Variants in SYNRG observed in about 807,000 individuals in gnomAD.
SYNRG encodes the protein AP1 gamma subunit binding protein 1.
SYNRG carries 37 observed loss-of-function variants against 130.9 expected under a neutral mutation model. The ratio of observed to expected loss-of-function variants is 0.28; its 90% CI spans 0.22 to 0.37. SYNRG has a LOEUF of 0.37. Among genes scored for constraint, SYNRG ranks in the 10% least tolerant of loss-of-function variants. The pLI is 1.00. For synonymous variants in SYNRG, 539 were observed against 568.1 expected (o/e 0.95, Z 0.73); for missense variants, 1,338 against 1,588.9 (o/e 0.84, Z 2.68).
chr17:37,556,400 G>A (rs920814221), intron 13 of SYNRG, among the ~76,000 whole-genome samples: 3 of 151,678 alleles, frequency 2.0e-5, no homozygotes, highest in African/African-American at 7.3e-5. Context: ...GCAGTGAGCC[G>A]AGATTGTGCC....
intron 6 of SYNRG, among the ~76,000 whole-genome samples, chr17:37,582,855 A>G (rs1362401938): frequency 6.6e-6 from 1 of 151,640 alleles, no homozygotes; most frequent in Admixed American, 6.6e-5. Flanking sequence ...ACCCTGTCTC[A>G]AAAAAAAAGT....
chr17:37,524,434 G>T (rs758377696), intron 19 of SYNRG, among the ~76,000 whole-genome samples: 6 of 152,224 alleles, frequency 3.9e-5, no homozygotes, highest in African/African-American at 4.8e-5. Flanking sequence ...ATTTGAGCTA[G>T]ATCCACTGAG....
Position 37,539,241 on chromosome 17 carries a change from T to C in SYNRG, c.3371A>G (p.Asn1124Ser), listed in dbSNP as rs775694763. The C allele has an allele frequency of 4.3e-6, 7 of 1,614,072 alleles. No homozygotes were observed. In the South Asian group the frequency reaches 7.7e-5, roughly 18 times the overall value. ...CTGCCATTCATATGCATATCTCTCA[T>C]TTTCCTGTGAATTTGTTAAAAAGAA... ...YKDLTGEVEENERYAYEWQRC... is the reference protein window; with the variant it reads ...YKDLTGEVEESERYAYEWQRC... The change falls in exon 17 of 22, where the codon AAT becomes AGT. Residue 1124 changes from asparagine (N) to serine (S), a missense_variant. Asn to Ser is a conservative substitution (Grantham distance 46). This residue lies in a region of SYNRG where 1,146 missense variants were observed against 1,342.3 expected (regional missense o/e 0.85). Transcript: ENST00000612223.
intron 3 of SYNRG, among the ~76,000 whole-genome samples, chr17:37,588,344 C>A (rs2061865291): frequency 6.7e-6 from 1 of 150,156 alleles, no homozygotes; most frequent in African/African-American, 2.5e-5. Context: ...CTCACTGCAA[C>A]CTCCACCTCC....
chr17:37,591,004 TA>T (rs35808364), intron 3 of SYNRG, among the ~76,000 whole-genome samples: 3 of 152,048 alleles, frequency 2.0e-5, no homozygotes, highest in Admixed American at 6.6e-5. Flanking sequence ...TTCAATTCTT[TA>T]AAAAAATGTA....
chr17:37,553,048 C>T, intron 14 of SYNRG, 67 bp downstream of exon 14: 1 of 1,470,764 alleles, frequency 6.8e-7, no homozygotes, highest in South Asian at 1.2e-5. Flanking sequence ...TCATGTAAAT[C>T]AACACCCGCA....
intron 3 of SYNRG, among the ~76,000 whole-genome samples, chr17:37,591,450 T>C (rs961728763): frequency 5.3e-5 from 8 of 152,176 alleles, no homozygotes; most frequent in African/African-American, 1.9e-4. Context: ...CAAGAGTTTT[T>C]CCAAAGATAG....
At chr17:37,542,666 T>G in intron 14 of SYNRG, 101 bp from the exon 15 acceptor site, 1 of 850,946 alleles carries the variant, frequency 1.2e-6, no homozygotes, top group Non-Finnish European at 1.8e-6. Flanking sequence ...ATTAGTTTTA[T>G]ACTATGTTGA....
In SYNRG at chr17:37,535,645, G is replaced by A. The variant is rs116503505; in HGVS notation, c.3666+334C>T. 5.5e-3 allele frequency among the ~76,000 whole-genome samples: 833 copies of A among 152,362 alleles called. 2 individuals are homozygous for A. Among genetic ancestry groups the A allele is most frequent in the African/African-American group, 0.019 (795 of 41,588 alleles). On this transcript the variant is annotated intron_variant, in intron 19 of 21. Coordinates refer to ENST00000612223, the MANE Select transcript of SYNRG (RefSeq NM_007247.6). Reference sequence around the variant, plus strand: ...ATCATATAGCTTTTTGAAAGGACACGTATGGGGACATAAATAACTAGAAGT... The same window carrying A: ...ATCATATAGCTTTTTGAAAGGACACATATGGGGACATAAATAACTAGAAGT...
At chr17:37,557,551 G>T (rs2059209953) in intron 13 of SYNRG, among the ~76,000 whole-genome samples, 1 of 152,184 alleles carries the variant, frequency 6.6e-6, no homozygotes, top group African/African-American at 2.4e-5. Flanking sequence ...GCAAGTAAAT[G>T]AAAATAACAA....
At chr17:37,584,815 A>ACCCT in intron 5 of SYNRG, 56 bp from the exon 6 acceptor site, 1 of 1,314,318 alleles carries the variant, frequency 7.6e-7, no homozygotes, top group Non-Finnish European at 1.1e-6. Context: ...TGTATCCTAA[A>ACCCT]CCCTCCCAAA....
chr17:37,542,576 A>G lies in SYNRG; in HGVS notation c.2609-11T>C, dbSNP rs376830099. 5.0e-6 allele frequency: 8 copies of G among 1,598,170 alleles called. No individual in the cohort carries two copies. In the African/African-American group the frequency reaches 8.1e-5, roughly 16 times the overall value. On this transcript the variant is annotated splice_polypyrimidine_tract_variant and intron_variant, in intron 14 of 21. Transcript: ENST00000612223. ...TTAAGTCCTCTATATCTGAAAGGGAAATAAGACCCCACAATTAGAGGCAAG... is the reference window on the plus strand; with the variant it reads ...TTAAGTCCTCTATATCTGAAAGGGAGATAAGACCCCACAATTAGAGGCAAG...
At chr17:37,572,244 T>G (rs926399738) in intron 8 of SYNRG, among the ~76,000 whole-genome samples, 2 of 151,978 alleles carry the variant, frequency 1.3e-5, no homozygotes, top group Non-Finnish European at 2.9e-5. Flanking sequence ...CTGGCCAACA[T>G]AGTGAAACCC....
chr17:37,596,225 G>A lies in SYNRG; in HGVS notation c.238C>T (p.Gln80Ter). Residue 80 changes from glutamine to a stop codon, truncating the protein, a stop_gained and splice_region_variant, in exon 3 of 22, where the codon CAG becomes TAG. Transcript: ENST00000612223. LOFTEE classifies it high-confidence loss of function. ...AAACCAACTAAAGAAGCAAGTACCT[G>A]CATAGCAATAGGTCCTTGGGACATC... is the stretch of plus-strand genomic sequence containing the variant. ...SQMSQGPIAM[Q>*]AGIPMGPMPA... The A allele has an allele frequency of 1.2e-6, 2 of 1,613,642 alleles. No individual in the cohort carries two copies. The highest frequency in any genetic ancestry group is 1.7e-6 in the Non-Finnish European group (2 of 1,179,704).
intron 1 of SYNRG, among the ~76,000 whole-genome samples, chr17:37,606,242 C>A (rs1212422312): frequency 6.6e-6 from 1 of 152,172 alleles, no homozygotes; most frequent in Non-Finnish European, 1.5e-5. Context: ...ATCTCTGTGA[C>A]GATCTCTTGA....
chr17:37,565,443 T>G (rs1264113794), intron 11 of SYNRG, among the ~76,000 whole-genome samples: 1 of 152,040 alleles, frequency 6.6e-6, no homozygotes, highest in East Asian at 1.9e-4. Flanking sequence ...GTGCCGAGAT[T>G]GCAGCCTCTG....
chr17:37,548,789 C>T (rs1397655789), intron 14 of SYNRG, among the ~76,000 whole-genome samples: 1 of 148,258 alleles, frequency 6.7e-6, no homozygotes, highest in Non-Finnish European at 1.5e-5. Flanking sequence ...TGCGCCATTC[C>T]ACTCCAGCCT....
intron 14 of SYNRG, among the ~76,000 whole-genome samples, chr17:37,551,645 A>C (rs949768900): frequency 2.0e-5 from 3 of 152,192 alleles, no homozygotes; most frequent in Admixed American, 6.5e-5. Flanking sequence ...ATATAGATTC[A>C]CTTTCAGAAA....
intron 3 of SYNRG, among the ~76,000 whole-genome samples, chr17:37,594,677 G>A (rs1292781772): frequency 6.6e-6 from 1 of 152,048 alleles, no homozygotes; most frequent in African/African-American, 2.4e-5. Context: ...GGTCAGGCTG[G>A]TCTCGATCTC....
Sources: allele counts gnomAD v4.1 joint callset (sites outside exome capture counted in the v4.1 genomes callset), GRCh38; gene constraint gnomAD v4.1.1; regional missense constraint gnomAD v4.1.1; transcripts MANE v1.5; gene names NCBI Gene and HGNC (gene_info 2026-07-23, HGNC 2026-07-21).